Variants in ERN2 observed in about 807,000 individuals in gnomAD.
The protein encoded by ERN2 is serine/threonine-protein kinase/endoribonuclease IRE2.
Under a neutral mutation model 107.9 loss-of-function variants are expected in ERN2, and 111 were observed. The observed-to-expected ratio is 1.03, with a 90% confidence interval of 0.88 to 1.20. The LOEUF is 1.20. Among genes scored for constraint, ERN2 ranks in the 50% most tolerant of loss-of-function variants. ERN2 has a pLI of 0.00. For missense variants in ERN2, 1,225 were observed against 1,197.9 expected (o/e 1.02, Z -0.33); for synonymous variants, 524 against 501.7 (o/e 1.04, Z -0.59).
At chr16:23,697,951 A>T (rs535977384) in intron 13 of ERN2, among the ~76,000 whole-genome samples, 1 of 151,850 alleles carries the variant, frequency 6.6e-6, no homozygotes, top group Non-Finnish European at 1.5e-5. Context: ...TTTTGTAGAG[A>T]TGGGGCTTCA....
intron 13 of ERN2, among the ~76,000 whole-genome samples, chr16:23,697,637 C>A (rs888279486): frequency 5.9e-5 from 9 of 152,144 alleles, no homozygotes; most frequent in African/African-American, 1.9e-4. Context: ...GCCACAAAGG[C>A]CTTCAATGCA....
chr16:23,701,196 T>C, intron 11 of ERN2, 82 bp from the exon 12 acceptor site: 16 of 1,450,796 alleles, frequency 1.1e-5, no homozygotes, highest in Admixed American at 2.1e-5. Flanking sequence ...AGCACAGAGC[T>C]GGGCTTAGCT....
chr16:23,691,021 G>A lies in ERN2; in HGVS notation c.2591C>T (p.Pro864Leu). 1 of 1,614,188 alleles carries A rather than the reference G, an allele frequency of 6.2e-7. No individual in the cohort carries two copies. Residue 864 changes from proline (P) to leucine (L), a missense_variant, in exon 22 of 22, where the codon CCA (proline) becomes CTA (leucine). Coordinates refer to ENST00000256797, the MANE Select transcript of ERN2 (RefSeq NM_033266.4). ...RNKKHHYREL[P>L]VEVRQALGQV... ...GCCGAGTGCCTGTCGCACCTCAACT[G>A]GGAGCTCCCTGTAGTGGTGCTTCTG... is the stretch of plus-strand genomic sequence containing the variant.
At chr16:23,701,698 T>C (rs994216219) in intron 11 of ERN2, among the ~76,000 whole-genome samples, 6 of 151,518 alleles carry the variant, frequency 4.0e-5, no homozygotes, top group African/African-American at 1.5e-4. Context: ...GGTGTGACCA[T>C]AGCTCACTGC....
intron 4 of ERN2, chr16:23,707,294 G>A (rs778469066): frequency 5.3e-6 from 3 of 567,792 alleles, no homozygotes; most frequent in African/African-American, 1.9e-5. Context: ...AGGCAGTCAG[G>A]CTCCAGAGCC....
At chr16:23,695,527 A>T (rs1959779122) in intron 14 of ERN2, 138 bp from the exon 15 acceptor site, 1 of 723,570 alleles carries the variant, frequency 1.4e-6, no homozygotes, top group Non-Finnish European at 2.3e-6. Flanking sequence ...GGAGTTCGAG[A>T]CCAGCCTGGC....
intron 7 of ERN2, 151 bp from the exon 8 acceptor site, chr16:23,705,298 A>G (rs1477586826): frequency 1.1e-6 from 1 of 893,466 alleles, no homozygotes; most frequent in East Asian, 2.7e-5. Context: ...TCATGGAGTC[A>G]CTTTGAAAAC....
chr16:23,692,223 C>G lies in ERN2; in HGVS notation c.2209G>C (p.Gly737Arg), dbSNP rs774157812. 3 of 1,614,166 alleles carry G rather than the reference C, an allele frequency of 1.9e-6. No individual in the cohort carries two copies. The highest frequency in any genetic ancestry group is 2.5e-6 in the Non-Finnish European group (3 of 1,180,032). The change falls in exon 18 of 22, where the codon GGG becomes CGG. Residue 737 changes from glycine to arginine, a missense_variant. Coordinates refer to ENST00000256797, the MANE Select transcript of ERN2 (RefSeq NM_033266.4). ...TCCAGGTGAGCCAGACAGGGAGCCCCTGTGAGGATGTTTGCCTGGCGATAA... is the reference window on the plus strand; with the variant it reads ...TCCAGGTGAGCCAGACAGGGAGCCCGTGTGAGGATGTTTGCCTGGCGATAA... ...SLYRQANILT[G>R]APCLAHLEEE...
chr16:23,704,775 G>C, intron 8 of ERN2, 108 bp downstream of exon 8: 3 of 1,229,958 alleles, frequency 2.4e-6, no homozygotes, highest in South Asian at 1.3e-5. Context: ...TTGACCCCTG[G>C]TTCAGCGGTA....
chr16:23,694,151 A>C (rs1389440336), intron 17 of ERN2, among the ~76,000 whole-genome samples: 5 of 152,094 alleles, frequency 3.3e-5, no homozygotes, highest in Admixed American at 1.3e-4. Context: ...GCACACACCC[A>C]CACCGGCTAA....
chr16:23,696,681 T>G (rs1275780786), intron 13 of ERN2: 2 of 152,288 alleles, frequency 1.3e-5, no homozygotes, highest in African/African-American at 4.8e-5. Flanking sequence ...ATTACTGCCC[T>G]TCCCTTTGGG....
At chr16:23,700,513 G>A (rs1266806265) in intron 13 of ERN2, 26 bp downstream of exon 13, 1 of 1,592,548 alleles carries the variant, frequency 6.3e-7, no homozygotes, top group South Asian at 1.1e-5. Flanking sequence ...GTTCCTGACT[G>A]CCCTGTCTTG....
rs767500911 is a variant in ERN2 at position 23,692,145 on chromosome 16, C to G, written c.2248+39G>C. On this transcript the variant is annotated intron_variant, in intron 18 of 21. Coordinates refer to ENST00000256797, the MANE Select transcript of ERN2 (RefSeq NM_033266.4). ...TGCTTCAGGCCTGCCTAGCGTCTTG[C>G]CCGTCCTCCCTTCTCTGCCCTGCCC... 1.6e-5 allele frequency: 26 copies of G among 1,613,718 alleles called. No individual in the cohort carries two copies. The African/African-American group carries it at 3.5e-4, about 22-fold the overall frequency.
At position 23,700,983 on chromosome 16, in the gene ERN2, C is replaced by G. The variant is rs1249800124; in HGVS notation, c.1335G>C (p.Gly445=). ...AASLTAVLLG[G]WILFVMRQQQ... Reference sequence around the variant, plus strand: ...CCTGCCTCATCACAAAGAGAATCCACCCTCCCAGGAGGACAGCAGTGAGGC... The same window carrying G: ...CCTGCCTCATCACAAAGAGAATCCAGCCTCCCAGGAGGACAGCAGTGAGGC... Residue 445 remains glycine (G), a synonymous_variant, in exon 12 of 22, where the codon GGG becomes GGC. Coordinates refer to ENST00000256797, the MANE Select transcript of ERN2 (RefSeq NM_033266.4). 1 of 1,613,956 alleles carries G rather than the reference C, an allele frequency of 6.2e-7. No homozygotes were observed. Among genetic ancestry groups the G allele is most frequent in the East Asian group, 2.2e-5 (1 of 44,888 alleles).
chr16:23,713,012 C>G, intron 1 of ERN2, 83 bp downstream of exon 1: 2 of 1,114,194 alleles, frequency 1.8e-6, no homozygotes, highest in Non-Finnish European at 2.4e-6. Context: ...GTGGCCCCGC[C>G]GCGCCCTCGC....
chr16:23,699,391 A>G (rs1959957810), intron 13 of ERN2, among the ~76,000 whole-genome samples: 1 of 152,196 alleles, frequency 6.6e-6, no homozygotes, highest in African/African-American at 2.4e-5. Flanking sequence ...ACCATGAGCC[A>G]GCCCAGAGCC....
At chr16:23,711,087 C>T in intron 1 of ERN2, 69 bp from the exon 2 acceptor site, 2 of 1,055,388 alleles carry the variant, frequency 1.9e-6, no homozygotes, top group Non-Finnish European at 2.9e-6. Context: ...CTGTCCCAAG[C>T]AGGGCTGGCC....
At chr16:23,709,218 G>A (rs781523272) in intron 4 of ERN2, 3 of 455,138 alleles carry the variant, frequency 6.6e-6, no homozygotes, top group South Asian at 4.7e-5. Context: ...ATTGCTTGAG[G>A]CCAGGAGTTC....
chr16:23,690,460 T>C lies in ERN2; in HGVS notation c.*371A>G, dbSNP rs1959536927. On this transcript the variant is annotated 3_prime_UTR_variant, in exon 22 of 22. Transcript: ENST00000256797. Reference sequence around the variant, plus strand: ...CAGGCTGCCCAGCCTCTGCCAGTCTTGTGGGGGAAAGGGGGTGACAGTGTC... The same window carrying C: ...CAGGCTGCCCAGCCTCTGCCAGTCTCGTGGGGGAAAGGGGGTGACAGTGTC... 1 of 448,192 alleles carries C rather than the reference T, an allele frequency of 2.2e-6. No homozygotes were observed. The highest frequency in any genetic ancestry group is 1.9e-5 in the African/African-American group (1 of 51,292). The allele number at this position is 448,192 out of a possible 1,614,324, so 27.8% of individuals were successfully genotyped here.
Sources: gnomAD v4.1 joint callset for allele counts (sites outside exome capture counted in the v4.1 genomes callset) on GRCh38, gnomAD v4.1.1 for gene constraint, MANE v1.5 for transcripts, NCBI Gene and HGNC (gene_info 2026-07-23, HGNC 2026-07-21) for gene names.